The following DHX58 variants were observed in gnomAD, a reference collection of about 807,000 sequenced individuals.
DHX58 encodes DExH-box helicase 58.
In DHX58, 51 loss-of-function variants were observed where a neutral mutation model predicts 65.0. The ratio of observed to expected loss-of-function variants is 0.78; its 90% CI spans 0.63 to 0.99. The LOEUF (loss-of-function observed/expected upper bound fraction) is 0.99, where lower values mean the gene tolerates loss of function less well. Ranked by LOEUF, DHX58 falls within the 50% of genes least tolerant of loss-of-function variation. The pLI is 0.00. For synonymous variants in DHX58, 350 were observed against 365.0 expected (o/e 0.96, Z 0.47); for missense variants, 773 against 891.8 (o/e 0.87, Z 1.70).
chr17:42,103,316 T>A, intron 12 of DHX58: 1 of 423,816 alleles, frequency 2.4e-6, no homozygotes, highest in South Asian at 2.6e-5. Flanking sequence ...ATCTTCGGAA[T>A]AGGTAGGACC....
intron 5 of DHX58, 132 bp downstream of exon 5, chr17:42,110,590 TG>T (rs2054133668): frequency 2.1e-6 from 2 of 941,830 alleles, no homozygotes; most frequent in Admixed American, 2.8e-5. Flanking sequence ...GGGTCTTAGG[TG>T]AGGAAGGGGC....
Position 42,105,748 on chromosome 17 carries a change from G to A in DHX58, c.1239C>T (p.Thr413=). 1 of 1,581,688 alleles carries A rather than the reference G, an allele frequency of 6.3e-7. No homozygotes were observed. Among genetic ancestry groups the A allele is most frequent in the South Asian group, 1.2e-5 (1 of 85,912 alleles). Residue 413 remains threonine (T), a synonymous_variant, in exon 9 of 14, where the codon ACC becomes ACT. Transcript: ENST00000251642. ...CCGAAGCCCACACCTGGGTCATGTG[G>A]GTGCTCTGGCTGCTGTTCCCAGCCC... The part of the protein sequence containing the change: ...LIGAGNSSQS[T]HMTQRDQQEV...
In DHX58 at chr17:42,108,011, T is replaced by G. The variant is rs2054091729; in HGVS notation, c.776A>C (p.Glu259Ala). 6.2e-7 allele frequency: 1 copy of G among 1,614,212 alleles called. No individual in the cohort carries two copies. Among genetic ancestry groups the G allele is most frequent in the African/African-American group, 1.3e-5 (1 of 75,064 alleles). The change falls in exon 7 of 14, where the codon GAG becomes GCG. Residue 259 changes from glutamate (E) to alanine (A), a missense_variant. By Grantham distance (107) the Glu-to-Ala change is moderately radical (BLOSUM62 -1). Transcript: ENST00000251642. ...CTCACTCAGCTTCACCACCTGCTGC[T>G]CATACATTTGCGTCCCAAATTTCCG... ...LSRKFGTQMY[E>A]QQVVKLSEAA...
chr17:42,109,362 A>C lies in DHX58; in HGVS notation c.586T>G (p.Cys196Gly), dbSNP rs1555663586. Residue 196 changes from cysteine (C) to glycine (G), a missense_variant, in exon 6 of 14, where the codon TGC becomes GGC. Physicochemically the swap from Cys to Gly is radical, Grantham distance 159 (BLOSUM62 -3). Transcript: ENST00000251642. The stretch of plus-strand genomic sequence containing the variant: ...CAGCAGTTCTGGGGTGACATGATGC[A>C]CCACGTGTCCAAGTTGGCACAGAGC... ...LQLCANLDTW[C>G]IMSPQNCCPQ... 6.2e-7 allele frequency: 1 copy of C among 1,613,656 alleles called. No individual in the cohort carries two copies. The highest frequency in any genetic ancestry group is 1.1e-5 in the South Asian group (1 of 90,860).
In DHX58 at chr17:42,110,876, C is replaced by A; in HGVS notation, c.408G>T (p.Thr136=). ...TGACGTTGTAGACGGTGTCCTTGTG[C>A]GTGTGGTGGCACTCATCCACCACGA... is the stretch of plus-strand genomic sequence containing the variant. The part of the protein sequence containing the change: ...SLIVVDECHH[T]HKDTVYNVIM... The change falls in exon 5 of 14, where the codon ACG becomes ACT. Residue 136 remains threonine (T), a synonymous_variant. Coordinates refer to ENST00000251642, the MANE Select transcript of DHX58 (RefSeq NM_024119.3). The A allele has an allele frequency of 6.2e-7, 1 of 1,612,788 alleles. No homozygotes were observed.
rs1195055904 is a variant in DHX58, at chr17:42,107,786, G to A, written c.815C>T (p.Ala272Val). The A allele has an allele frequency of 1.9e-6, 3 of 1,576,600 alleles. No homozygotes were observed. Among genetic ancestry groups the A allele is most frequent in the Non-Finnish European group, 2.6e-6 (3 of 1,160,214 alleles). Reference protein sequence around the residue: ...VVKLSEAAALAGLQEQRVYAL... With the variant: ...VVKLSEAAALVGLQEQRVYAL... ...ATACACCCGTTGCTCCTGAAGCCCA[G>A]CCAAAGCCGCTGCGGGAAGAGGGCG... is the stretch of plus-strand genomic sequence containing the variant. The change falls in exon 8 of 14, where the codon GCT becomes GTT. Residue 272 changes from alanine (A) to valine (V), a missense_variant. Ala to Val is a moderately conservative substitution (Grantham distance 64, BLOSUM62 0). Coordinates refer to ENST00000251642, the MANE Select transcript of DHX58 (RefSeq NM_024119.3).
In DHX58 at chr17:42,111,756, T is replaced by C; in HGVS notation, c.137A>G (p.Asp46Gly). 6.2e-7 allele frequency: 1 copy of C among 1,613,706 alleles called. No homozygotes were observed. Among genetic ancestry groups the C allele is most frequent in the Non-Finnish European group, 8.5e-7 (1 of 1,179,742 alleles). The change falls in exon 3 of 14, where the codon GAT becomes GGT. Residue 46 changes from aspartate to glycine, a missense_variant. Asp to Gly is a moderately conservative substitution (Grantham distance 94). Coordinates refer to ENST00000251642, the MANE Select transcript of DHX58 (RefSeq NM_024119.3). ...YVAKRHLETV[D>G]GAKVVVLVNR... ...GACCAATACAACCACCTTGGCTCCA[T>C]CCACAGTCTCTAGGTGCCGCTTGGC... is the stretch of plus-strand genomic sequence containing the variant.
At chr17:42,108,613 G>A (rs2054101801) in intron 6 of DHX58, among the ~76,000 whole-genome samples, 1 of 152,256 alleles carries the variant, frequency 6.6e-6, no homozygotes, top group Non-Finnish European at 1.5e-5. Context: ...AAGGTGGGCA[G>A]TGGGGAGCCA....
chr17:42,112,393 G>T, intron 1 of DHX58, 188 bp from the exon 2 acceptor site: 1 of 295,862 alleles, frequency 3.4e-6, no homozygotes, highest in Non-Finnish European at 5.9e-6. Context: ...TAGGGCCACA[G>T]CTCCATTCTG....
rs1555663126 is a variant in DHX58 at position 42,107,811 on chromosome 17, G to A, written c.806-16C>T. The A allele has an allele frequency of 1.9e-6, 3 of 1,558,284 alleles. No homozygotes were observed. Among genetic ancestry groups the A allele is most frequent in the Non-Finnish European group, 2.6e-6 (3 of 1,150,822 alleles). On this transcript the variant is annotated splice_polypyrimidine_tract_variant and intron_variant, in intron 7 of 13. Coordinates refer to ENST00000251642, the MANE Select transcript of DHX58 (RefSeq NM_024119.3). Reference sequence around the variant, plus strand: ...GCCAAAGCCGCTGCGGGAAGAGGGCGCAGGGTCTGAGCAGCCCACAGCCCC... The same window carrying A: ...GCCAAAGCCGCTGCGGGAAGAGGGCACAGGGTCTGAGCAGCCCACAGCCCC...
In DHX58 at chr17:42,107,800, G is replaced by C. The variant is rs782506101; in HGVS notation, c.806-5C>G. ...CCTGAAGCCCAGCCAAAGCCGCTGC[G>C]GGAAGAGGGCGCAGGGTCTGAGCAG... On this transcript the variant is annotated splice_polypyrimidine_tract_variant and splice_region_variant and intron_variant, in intron 7 of 13. Transcript: ENST00000251642. The C allele has an allele frequency of 5.7e-6, 9 of 1,567,464 alleles. No individual in the cohort carries two copies. Among genetic ancestry groups the C allele is most frequent in the South Asian group, 4.7e-5 (4 of 85,764 alleles).
At chr17:42,107,483 G>T in intron 8 of DHX58, 121 bp downstream of exon 8, 1 of 1,150,222 alleles carries the variant, frequency 8.7e-7, no homozygotes, top group East Asian at 2.7e-5. Context: ...TAGAAAAATA[G>T]GATCTCCACC....
At chr17:42,110,690 T>C in intron 5 of DHX58, 33 bp downstream of exon 5, 1 of 1,555,742 alleles carries the variant, frequency 6.4e-7, no homozygotes, top group Non-Finnish European at 8.7e-7. Flanking sequence ...CTGGTGGGTC[T>C]GGCAGTGGGA....
In DHX58 at chr17:42,104,787, G is replaced by A. The variant is rs2054028928; in HGVS notation, c.1542C>T (p.Asp514=). The part of the protein sequence containing the change: ...EQAVAAVQKM[D]QAEYQAKIRD... ...AGACCTTGGCCTGGTACTCGGCCTG[G>A]TCCATTTTCTGCACAGCAGCCACTG... The change falls in exon 11 of 14, where the codon GAC becomes GAT. Residue 514 remains aspartate, a synonymous_variant. Transcript: ENST00000251642. 6.2e-6 allele frequency: 10 copies of A among 1,613,992 alleles called. No individual in the cohort carries two copies. The highest frequency in any genetic ancestry group is 8.5e-6 in the Non-Finnish European group (10 of 1,180,006).
At position 42,103,563 on chromosome 17, in the gene DHX58, G is replaced by C. The variant is rs1555661911; in HGVS notation, c.1754+45C>G. On this transcript the variant is annotated intron_variant, in intron 12 of 13. Transcript: ENST00000251642. ...CTTCAAAGCACTGTCTGGATGGGAA[G>C]GATTCCCAGGCCCCCATCCCAGTAG... is the stretch of plus-strand genomic sequence containing the variant. 11 of 1,605,396 alleles carry C rather than the reference G, an allele frequency of 6.9e-6. No homozygotes were observed. In the South Asian group the frequency reaches 1.0e-4, roughly 15 times the overall value.
Position 42,107,975 on chromosome 17 carries a change from CT to C in DHX58, c.805+6del, listed in dbSNP as rs781838844. 1.5e-4 allele frequency: 247 copies of C among 1,614,040 alleles called. No homozygotes were observed. Among genetic ancestry groups the C allele is most frequent in the Admixed American group, 3.2e-4 (19 of 60,010 alleles). On this transcript the variant is annotated splice_donor_region_variant and intron_variant, in intron 7 of 13. Transcript: ENST00000251642. ...CTCGCCTCCGCCAGAAGGGCTGCCC[CT>C]CTCACCAGCCTCACTCAGCTTCACC...
In DHX58 at chr17:42,105,816, G is replaced by C; in HGVS notation, c.1171C>G (p.Gln391Glu). The C allele has an allele frequency of 6.2e-7, 1 of 1,611,088 alleles. No homozygotes were observed. Among genetic ancestry groups the C allele is most frequent in the Non-Finnish European group, 8.5e-7 (1 of 1,178,522 alleles). The change falls in exon 9 of 14, where the codon CAG (glutamine) becomes GAG (glutamate). Residue 391 changes from glutamine (Q) to glutamate (E), a missense_variant. Transcript: ENST00000251642. ...CGGATGTCCACAGTCTGCAGGCCCT[G>C]CTGCTGCTGGAGCCAGAGCAGGAGG... ...HSLLLWLQQQQGLQTVDIRAQ... is the reference protein window; with the variant it reads ...HSLLLWLQQQEGLQTVDIRAQ...
intron 2 of DHX58, 32 bp from the exon 3 acceptor site, chr17:42,111,925 C>G: frequency 6.3e-7 from 1 of 1,575,682 alleles, no homozygotes; most frequent in Non-Finnish European, 8.6e-7. Flanking sequence ...GACCCACCGA[C>G]TCCTCCACCC....
chr17:42,107,958 C>T, intron 7 of DHX58, 24 bp downstream of exon 7: 3 of 1,613,828 alleles, frequency 1.9e-6, no homozygotes, highest in Non-Finnish European at 8.5e-7. Context: ...TCCTCGCCTC[C>T]GCCAGAAGGG....
Sources: allele counts gnomAD v4.1 joint callset (sites outside exome capture counted in the v4.1 genomes callset), GRCh38; gene constraint gnomAD v4.1.1; transcripts MANE v1.5; gene names NCBI Gene and HGNC (gene_info 2026-07-23, HGNC 2026-07-21).